Variants in RIT2 observed in about 807,000 individuals in gnomAD.
RIT2 encodes the protein GTP-binding protein Rit2.
A neutral mutation model predicts 23.7 loss-of-function variants in RIT2; 24 were observed. The observed-to-expected ratio is 1.01, with a 90% CI of 0.73 to 1.43. RIT2 has a LOEUF of 1.43. Ranked by LOEUF, RIT2 falls within the 40% of genes most tolerant of loss-of-function variation. The pLI is 0.00. For synonymous variants in RIT2, 107 were observed against 91.1 expected (o/e 1.17, Z -0.99); for missense variants, 236 against 266.9 (o/e 0.88, Z 0.81).
At chr18:43,088,142 C>G (rs1342574916) in intron 1 of RIT2, among the ~76,000 whole-genome samples, 1 of 152,072 alleles carries the variant, frequency 6.6e-6, no homozygotes. Context: ...CTCCCTACAC[C>G]ATTTTTAATC....
At chr18:42,875,548 A>G (rs556552592) in intron 4 of RIT2, among the ~76,000 whole-genome samples, 2 of 152,142 alleles carry the variant, frequency 1.3e-5, no homozygotes, top group South Asian at 4.1e-4. Flanking sequence ...TCTTTAGTCA[A>G]TGCCAGGTCT....
intron 4 of RIT2, among the ~76,000 whole-genome samples, chr18:42,825,588 A>G (rs905386010): frequency 2.6e-5 from 4 of 151,942 alleles, no homozygotes; most frequent in African/African-American, 4.8e-5. Flanking sequence ...ATGTACATCA[A>G]TGTAAAAATG....
At chr18:42,974,486 C>T (rs1388993297) in intron 2 of RIT2, among the ~76,000 whole-genome samples, 1 of 151,944 alleles carries the variant, frequency 6.6e-6, no homozygotes, top group Non-Finnish European at 1.5e-5. Context: ...TGGTAAAGTC[C>T]TGAAAGCTTT....
intron 2 of RIT2, among the ~76,000 whole-genome samples, chr18:43,033,008 C>T (rs967427093): frequency 4.6e-5 from 7 of 152,080 alleles, no homozygotes; most frequent in Non-Finnish European, 8.8e-5. Flanking sequence ...AAGGAGCTCA[C>T]CATCCAGGCA....
chr18:42,848,615 C>A (rs566994589), intron 4 of RIT2, among the ~76,000 whole-genome samples: 1 of 152,164 alleles, frequency 6.6e-6, no homozygotes, highest in African/African-American at 2.4e-5. Context: ...AAAATGGATA[C>A]CATACGTACT....
chr18:42,994,064 A>T (rs1007980937), intron 2 of RIT2, among the ~76,000 whole-genome samples: 28 of 152,086 alleles, frequency 1.8e-4, no homozygotes, highest in Admixed American at 1.6e-3. Flanking sequence ...CGTGGTGCCA[A>T]ACCCATAAAC....
chr18:42,833,898 GA>G (rs1239164083), intron 4 of RIT2, among the ~76,000 whole-genome samples: 3 of 152,182 alleles, frequency 2.0e-5, no homozygotes, highest in Non-Finnish European at 4.4e-5. Context: ...TTCCTGTGGT[GA>G]AAAGGATTAG....
chr18:43,038,111 A>G (rs1912025130), intron 1 of RIT2, among the ~76,000 whole-genome samples: 2 of 151,230 alleles, frequency 1.3e-5, no homozygotes, highest in South Asian at 4.2e-4. Context: ...AGGCTGAGGC[A>G]GGAGAATAGT....
intron 4 of RIT2, among the ~76,000 whole-genome samples, chr18:42,818,387 T>G (rs1906055552): frequency 6.6e-6 from 1 of 152,056 alleles, no homozygotes; most frequent in Non-Finnish European, 1.5e-5. Flanking sequence ...GCTTTTCTTC[T>G]GAGAAATTGA....
chr18:42,842,311 T>G (rs1280730092), intron 4 of RIT2, among the ~76,000 whole-genome samples: 4 of 152,226 alleles, frequency 2.6e-5, no homozygotes, highest in Non-Finnish European at 5.9e-5. Context: ...TAAAATAGCC[T>G]TGAGCCTCGT....
At chr18:42,778,774 A>G (rs1371026270) in intron 4 of RIT2, among the ~76,000 whole-genome samples, 1 of 152,158 alleles carries the variant, frequency 6.6e-6, no homozygotes. Context: ...CTTATTTTAC[A>G]TATTTTCCTT....
At chr18:43,060,971 C>T (rs1387445289) in intron 1 of RIT2, among the ~76,000 whole-genome samples, 3 of 152,062 alleles carry the variant, frequency 2.0e-5, no homozygotes, top group African/African-American at 7.2e-5. Context: ...TTGAGCATGG[C>T]ATACCCATAG....
chr18:42,955,039 A>T (rs1265434988), intron 3 of RIT2, among the ~76,000 whole-genome samples: 1 of 152,158 alleles, frequency 6.6e-6, no homozygotes, highest in Non-Finnish European at 1.5e-5. Flanking sequence ...GTCTCCATGC[A>T]GATATGAGGA....
At chr18:42,915,172 ACAC>A (rs1908874539) in intron 4 of RIT2, among the ~76,000 whole-genome samples, 1 of 151,710 alleles carries the variant, frequency 6.6e-6, no homozygotes, top group South Asian at 2.1e-4. Flanking sequence ...ACACACACAC[ACAC>A]ACACACACAC....
chr18:42,968,009 TAGACTC>T (rs1021737043), intron 3 of RIT2, among the ~76,000 whole-genome samples: 1 of 152,166 alleles, frequency 6.6e-6, no homozygotes. Context: ...TAATATCAAA[TAGACTC>T]AGAACGAGAA....
At chr18:42,920,588 C>T (rs139727200) in intron 4 of RIT2, 70 of 688,218 alleles carry the variant, frequency 1.0e-4, no homozygotes, top group African/African-American at 9.0e-4. Flanking sequence ...ATGATAAACA[C>T]ATAATACACT....
At chr18:42,835,372 C>T (rs555588535) in intron 4 of RIT2, among the ~76,000 whole-genome samples, 1 of 152,046 alleles carries the variant, frequency 6.6e-6, no homozygotes, top group Non-Finnish European at 1.5e-5. Context: ...TAAATATACA[C>T]AATAAAATTT....
intron 4 of RIT2, among the ~76,000 whole-genome samples, chr18:42,839,703 G>A (rs1906711900): frequency 6.6e-6 from 1 of 152,070 alleles, no homozygotes; most frequent in South Asian, 2.1e-4. Flanking sequence ...ATATTACTGT[G>A]GCCAGATAAA....
chr18:43,099,443 TGTCA>T (rs1225736589), intron 1 of RIT2, among the ~76,000 whole-genome samples: 8 of 152,102 alleles, frequency 5.3e-5, no homozygotes, highest in Non-Finnish European at 1.0e-4. Flanking sequence ...TCACCTTAAC[TGTCA>T]GTCATTTTAT....
Sources: gnomAD v4.1 joint callset for allele counts (sites outside exome capture counted in the v4.1 genomes callset) on GRCh38, gnomAD v4.1.1 for gene constraint, MANE v1.5 for transcripts, NCBI Gene and HGNC (gene_info 2026-07-23, HGNC 2026-07-21) for gene names.